Variants in IMMP2L observed in about 807,000 individuals in gnomAD.
The protein encoded by IMMP2L is mitochondrial inner membrane protease subunit 2.
IMMP2L carries 18 observed loss-of-function variants against 19.3 expected under a neutral mutation model. The ratio of observed to expected loss-of-function variants is 0.93; its 90% CI spans 0.64 to 1.38. The LOEUF (loss-of-function observed/expected upper bound fraction) is 1.38, where lower values mean the gene tolerates loss of function less well. Ranked by LOEUF, IMMP2L falls within the 40% of genes most tolerant of loss-of-function variation. IMMP2L has a pLI of 0.00. For missense variants in IMMP2L, 233 were observed against 218.2 expected, an observed-to-expected ratio of 1.07 and a Z score of -0.43; for synonymous variants, 76 against 73.0, an observed-to-expected ratio of 1.04 and a Z score of -0.21.
At chr7:111,344,794 A>T (rs1358189893) in intron 3 of IMMP2L, among the ~76,000 whole-genome samples, 1 of 152,174 alleles carries the variant, frequency 6.6e-6, no homozygotes, top group Non-Finnish European at 1.5e-5. Flanking sequence ...TTAAAAGTAG[A>T]TCGCTGTTAC....
At chr7:111,309,584 C>T (rs1056087305) in intron 3 of IMMP2L, among the ~76,000 whole-genome samples, 5 of 151,520 alleles carry the variant, frequency 3.3e-5, no homozygotes, top group Non-Finnish European at 5.9e-5. Flanking sequence ...TAAACCCCAC[C>T]GAAAAGTTCA....
At chr7:111,088,581 C>T (rs1048174370) in intron 3 of IMMP2L, among the ~76,000 whole-genome samples, 2 of 152,068 alleles carry the variant, frequency 1.3e-5, no homozygotes, top group Non-Finnish European at 2.9e-5. Flanking sequence ...TGGAAAAAAC[C>T]TGGAATACCT....
chr7:110,942,832 T>C (rs1707525305), intron 4 of IMMP2L, among the ~76,000 whole-genome samples: 1 of 151,968 alleles, frequency 6.6e-6, no homozygotes, highest in Non-Finnish European at 1.5e-5. Flanking sequence ...TGTAAGACTT[T>C]TCCATATACT....
At chr7:110,704,397 G>A (rs972333260) in intron 5 of IMMP2L, among the ~76,000 whole-genome samples, 1 of 152,112 alleles carries the variant, frequency 6.6e-6, no homozygotes, top group East Asian at 1.9e-4. Context: ...ATTAAACAAT[G>A]CAACTTTCCA....
chr7:111,154,968 G>C (rs1389238255), intron 3 of IMMP2L, among the ~76,000 whole-genome samples: 1 of 152,010 alleles, frequency 6.6e-6, no homozygotes, highest in East Asian at 1.9e-4. Context: ...ATGTTGCCCA[G>C]GTTGGTCTCG....
At chr7:111,533,243 T>C (rs1381153255) in intron 1 of IMMP2L, among the ~76,000 whole-genome samples, 1 of 152,098 alleles carries the variant, frequency 6.6e-6, no homozygotes, top group African/African-American at 2.4e-5. Flanking sequence ...TTACAGCAAA[T>C]GGAACTGCGA....
chr7:110,950,868 A>ATATATG (rs1367615263), intron 4 of IMMP2L, among the ~76,000 whole-genome samples: 2 of 140,618 alleles, frequency 1.4e-5, no homozygotes, highest in Admixed American at 7.1e-5. Context: ...ATATATATAT[A>ATATATG]TATGTATATA....
chr7:110,812,430 G>C (rs1802111876), intron 5 of IMMP2L, among the ~76,000 whole-genome samples: 1 of 152,038 alleles, frequency 6.6e-6, no homozygotes, highest in Admixed American at 6.6e-5. Context: ...TCCTATGGAA[G>C]TGGTGGGCTT....
chr7:111,495,633 A>G (rs1357764395), intron 2 of IMMP2L, among the ~76,000 whole-genome samples: 1 of 152,204 alleles, frequency 6.6e-6, no homozygotes, highest in Non-Finnish European at 1.5e-5. Flanking sequence ...AAATTCTCCT[A>G]GAGAATTAAG....
intron 3 of IMMP2L, among the ~76,000 whole-genome samples, chr7:111,168,124 G>A (rs890739474): frequency 2.6e-5 from 4 of 151,880 alleles, no homozygotes; most frequent in African/African-American, 9.7e-5. Context: ...GGCAAAATTC[G>A]AAACTTGATT....
chr7:110,815,225 A>G (rs1802388697), intron 5 of IMMP2L, among the ~76,000 whole-genome samples: 1 of 152,054 alleles, frequency 6.6e-6, no homozygotes, highest in Non-Finnish European at 1.5e-5. Flanking sequence ...TGAGATAATC[A>G]TGTGGTTTTT....
chr7:110,670,925 G>T (rs1033145894), intron 5 of IMMP2L, among the ~76,000 whole-genome samples: 1 of 152,186 alleles, frequency 6.6e-6, no homozygotes, highest in African/African-American at 2.4e-5. Flanking sequence ...ATTGGAACTT[G>T]ATTCTCCCCT....
intron 3 of IMMP2L, among the ~76,000 whole-genome samples, chr7:111,283,812 A>C (rs1038351793): frequency 1.3e-5 from 2 of 151,316 alleles, no homozygotes; most frequent in Non-Finnish European, 2.9e-5. Context: ...TCTACTAAAA[A>C]TACAAAAAAT....
chr7:110,677,646 T>C (rs1452170026), intron 5 of IMMP2L, among the ~76,000 whole-genome samples: 1 of 152,064 alleles, frequency 6.6e-6, no homozygotes, highest in Non-Finnish European at 1.5e-5. Flanking sequence ...GAATGAGGTA[T>C]GTGAGCATCA....
At chr7:110,975,595 T>A (rs1820605250) in intron 3 of IMMP2L, among the ~76,000 whole-genome samples, 1 of 152,158 alleles carries the variant, frequency 6.6e-6, no homozygotes, top group Admixed American at 6.6e-5. Flanking sequence ...TCCAGAAAGT[T>A]AATTTTCAGG....
At chr7:110,932,077 G>A (rs1352905099) in intron 4 of IMMP2L, among the ~76,000 whole-genome samples, 1 of 152,076 alleles carries the variant, frequency 6.6e-6, no homozygotes, top group Admixed American at 6.6e-5. Flanking sequence ...TTTCTTCAGA[G>A]TACTTGCCAT....
chr7:110,993,116 A>ATT lies in IMMP2L; in HGVS notation c.240-29553_240-29552dup, dbSNP rs569566628. 4.3e-3 allele frequency among the ~76,000 whole-genome samples: 645 copies of ATT among 150,722 alleles called. 4 individuals carry two copies. The highest frequency in any genetic ancestry group is 0.015 in the African/African-American group (621 of 41,188). Reference sequence around the variant, plus strand: ...TTGAGAAAGAGGTAGTACTACATCAATTTTTTTTTTAAAACAGGCCAGGTT... The same window carrying ATT: ...TTGAGAAAGAGGTAGTACTACATCAATTTTTTTTTTTTAAAACAGGCCAGGTT... On this transcript the variant is annotated intron_variant, in intron 3 of 5. Coordinates refer to ENST00000405709, the MANE Select transcript of IMMP2L (RefSeq NM_032549.4).
chr7:111,327,173 G>C (rs1375441002), intron 3 of IMMP2L, among the ~76,000 whole-genome samples: 7 of 151,758 alleles, frequency 4.6e-5, no homozygotes, highest in African/African-American at 1.7e-4. Flanking sequence ...CTTATATGAA[G>C]TATCTAAAAT....
chr7:110,863,154 T>C (rs1291032213), intron 5 of IMMP2L, among the ~76,000 whole-genome samples: 1 of 152,122 alleles, frequency 6.6e-6, no homozygotes, highest in African/African-American at 2.4e-5. Context: ...AGGGTAACAT[T>C]TCAGACCCTC....
Sources: allele counts gnomAD v4.1 joint callset (sites outside exome capture counted in the v4.1 genomes callset), GRCh38; gene constraint gnomAD v4.1.1; transcripts MANE v1.5; gene names NCBI Gene and HGNC (gene_info 2026-07-23, HGNC 2026-07-21).